The following ARHGAP15 variants were observed in gnomAD, a reference collection of about 807,000 sequenced individuals.
ARHGAP15 encodes the protein Rho GTPase activating protein 15.
In ARHGAP15, 51 loss-of-function variants were observed where a neutral mutation model predicts 63.7. The ratio of observed to expected loss-of-function variants is 0.80; its 90% CI spans 0.64 to 1.01. The LOEUF is 1.01. Ranked by LOEUF, ARHGAP15 falls within the 50% of genes least tolerant of loss-of-function variation. The pLI is 0.00. For synonymous variants in ARHGAP15, 191 were observed against 193.8 expected (o/e 0.99, Z 0.12); for missense variants, 560 against 564.6 (o/e 0.99, Z 0.08).
At chr2:143,211,337 A>C (rs1279477933) in intron 3 of ARHGAP15, among the ~76,000 whole-genome samples, 1 of 130,798 alleles carries the variant, frequency 7.6e-6, no homozygotes. Context: ...GGAGAAGTAA[A>C]AAATGGCGGG....
At chr2:143,265,650 G>A (rs1306261058) in intron 6 of ARHGAP15, among the ~76,000 whole-genome samples, 1 of 152,068 alleles carries the variant, frequency 6.6e-6, no homozygotes, top group East Asian at 1.9e-4. Context: ...TTATTATTTT[G>A]GAGAGTTTTC....
chr2:143,415,021 A>G (rs1688614456), intron 6 of ARHGAP15, among the ~76,000 whole-genome samples: 1 of 152,198 alleles, frequency 6.6e-6, no homozygotes, highest in Admixed American at 6.5e-5. Context: ...CAAAAAGGAA[A>G]CTAACTGCAG....
chr2:143,592,950 A>G (rs1697378453), intron 11 of ARHGAP15, among the ~76,000 whole-genome samples: 2 of 152,154 alleles, frequency 1.3e-5, no homozygotes, highest in Non-Finnish European at 2.9e-5. Flanking sequence ...TCCCACTGGC[A>G]CCGTTGTTCA....
chr2:143,436,884 T>C (rs757657914), intron 7 of ARHGAP15, 29 bp from the exon 8 acceptor site: 5 of 1,589,286 alleles, frequency 3.1e-6, no homozygotes, highest in Non-Finnish European at 3.4e-6. Context: ...CTAGTAAAAT[T>C]ATTCAGTCTA....
chr2:143,338,008 T>A (rs1684882847), intron 6 of ARHGAP15, among the ~76,000 whole-genome samples: 1 of 152,216 alleles, frequency 6.6e-6, no homozygotes, highest in Non-Finnish European at 1.5e-5. Flanking sequence ...GTACCTTTAA[T>A]GTGTCTAGTA....
chr2:143,652,421 A>G (rs1359838417), intron 12 of ARHGAP15, among the ~76,000 whole-genome samples: 2 of 152,104 alleles, frequency 1.3e-5, no homozygotes, highest in East Asian at 1.9e-4. Context: ...AGTCCTTTGC[A>G]TTTCCACATT....
chr2:143,378,498 G>C (rs1686912017), intron 6 of ARHGAP15, among the ~76,000 whole-genome samples: 2 of 151,926 alleles, frequency 1.3e-5, no homozygotes, highest in Non-Finnish European at 2.9e-5. Context: ...TTCTCTCTCT[G>C]ATAACAGCGG....
At chr2:143,471,162 AAG>A (rs941517463) in intron 8 of ARHGAP15, among the ~76,000 whole-genome samples, 8 of 148,696 alleles carry the variant, frequency 5.4e-5, no homozygotes, top group African/African-American at 1.2e-4. Context: ...TAGATACAGA[AAG>A]AGGATATGAA....
At chr2:143,638,951 A>G (rs1680476822) in intron 12 of ARHGAP15, among the ~76,000 whole-genome samples, 1 of 152,080 alleles carries the variant, frequency 6.6e-6, no homozygotes, top group African/African-American at 2.4e-5. Context: ...CTTTGTGGTT[A>G]CTATTATTCT....
At chr2:143,416,483 T>C (rs920530682) in intron 6 of ARHGAP15, among the ~76,000 whole-genome samples, 18 of 107,274 alleles carry the variant, frequency 1.7e-4, no homozygotes, top group Admixed American at 1.5e-3. Context: ...TCGATTGCAG[T>C]TGGTCTGGTC....
At chr2:143,695,726 G>A (rs1683813907) in intron 12 of ARHGAP15, among the ~76,000 whole-genome samples, 1 of 152,060 alleles carries the variant, frequency 6.6e-6, no homozygotes, top group African/African-American at 2.4e-5. Context: ...AAACTAGCCA[G>A]ACATGGCAGT....
chr2:143,522,570 G>T (rs900099149), intron 10 of ARHGAP15, among the ~76,000 whole-genome samples: 4 of 152,256 alleles, frequency 2.6e-5, no homozygotes. Flanking sequence ...TATTTTGGAG[G>T]TTTGAGGAAA....
intron 8 of ARHGAP15, among the ~76,000 whole-genome samples, chr2:143,465,706 A>AAT (rs1558990058): frequency 1.3e-5 from 2 of 151,926 alleles, no homozygotes; most frequent in African/African-American, 4.8e-5. Context: ...AAGCAAGAAA[A>AAT]ATAAGTTTTT....
At chr2:143,561,791 T>G (rs1433378345) in intron 11 of ARHGAP15, among the ~76,000 whole-genome samples, 1 of 152,144 alleles carries the variant, frequency 6.6e-6, no homozygotes, top group Admixed American at 6.5e-5. Flanking sequence ...AGTAAGCCAC[T>G]GCGCCCGGCC....
At chr2:143,318,736 G>A (rs1291699915) in intron 6 of ARHGAP15, among the ~76,000 whole-genome samples, 5 of 151,974 alleles carry the variant, frequency 3.3e-5, no homozygotes, top group Admixed American at 1.3e-4. Flanking sequence ...CATAATCTAA[G>A]TTAAGTCTCA....
intron 12 of ARHGAP15, among the ~76,000 whole-genome samples, chr2:143,682,487 CATAT>C (rs894736799): frequency 6.6e-6 from 1 of 152,094 alleles, no homozygotes. Flanking sequence ...TACATATATA[CATAT>C]ATACACATAT....
At chr2:143,463,627 C>G (rs1371570048) in intron 8 of ARHGAP15, among the ~76,000 whole-genome samples, 1 of 152,092 alleles carries the variant, frequency 6.6e-6, no homozygotes, top group Non-Finnish European at 1.5e-5. Context: ...ATCTAACCAT[C>G]CATCCAGCTA....
intron 5 of ARHGAP15, among the ~76,000 whole-genome samples, chr2:143,232,389 G>C (rs1693482705): frequency 6.6e-6 from 1 of 152,118 alleles, no homozygotes; most frequent in Non-Finnish European, 1.5e-5. Context: ...ATCGGGACTG[G>C]CTGGTCCTCC....
intron 3 of ARHGAP15, among the ~76,000 whole-genome samples, chr2:143,212,414 A>G (rs1054619831): frequency 3.3e-5 from 5 of 152,200 alleles, no homozygotes; most frequent in Admixed American, 3.3e-4. Context: ...TTAATGTTAA[A>G]TAGGGCTTCT....
Sources: gnomAD v4.1 joint callset for allele counts (sites outside exome capture counted in the v4.1 genomes callset) on GRCh38, gnomAD v4.1.1 for gene constraint, MANE v1.5 for transcripts, NCBI Gene and HGNC (gene_info 2026-07-23, HGNC 2026-07-21) for gene names.